SUSD4: variants seen among roughly 807,000 people sequenced by gnomAD.
SUSD4 encodes the protein sushi domain-containing protein 4.
SUSD4 carries 41 observed loss-of-function variants against 50.5 expected under a neutral mutation model. The observed-to-expected ratio is 0.81, with a 90% CI of 0.63 to 1.05. The LOEUF (loss-of-function observed/expected upper bound fraction) is 1.05, where lower values mean the gene tolerates loss of function less well. Ranked by LOEUF, SUSD4 falls within the 50% of genes least tolerant of loss-of-function variation. The pLI is 0.00. For synonymous variants in SUSD4, 257 were observed against 257.3 expected (o/e 1.00, Z 0.01); for missense variants, 580 against 634.7 (o/e 0.91, Z 0.93).
At chr1:223,233,445 T>A (rs894278490) in intron 5 of SUSD4, among the ~76,000 whole-genome samples, 5 of 152,128 alleles carry the variant, frequency 3.3e-5, no homozygotes, top group African/African-American at 9.7e-5. Flanking sequence ...TTAGGGGACT[T>A]CCACCTCTCA....
chr1:223,353,764 G>A (rs996655407), intron 2 of SUSD4, among the ~76,000 whole-genome samples: 1 of 152,058 alleles, frequency 6.6e-6, no homozygotes, highest in Non-Finnish European at 1.5e-5. Context: ...CAGGGATGAC[G>A]CCCCCTGGCC....
chr1:223,246,722 C>T (rs752124409), intron 5 of SUSD4, among the ~76,000 whole-genome samples: 1 of 152,126 alleles, frequency 6.6e-6, no homozygotes, highest in South Asian at 2.1e-4. Flanking sequence ...CCTCTGAAGG[C>T]TCCCCTTTTC....
intron 2 of SUSD4, among the ~76,000 whole-genome samples, chr1:223,342,275 T>C (rs1055804692): frequency 6.6e-6 from 1 of 152,192 alleles, no homozygotes; most frequent in Non-Finnish European, 1.5e-5. Flanking sequence ...GGGCTGATGT[T>C]GTCTTTAAAA....
Position 223,363,477 on chromosome 1 carries a change from A to G in SUSD4, c.-35-17T>C. On this transcript the variant is annotated splice_polypyrimidine_tract_variant and intron_variant, in intron 1 of 8. Coordinates refer to ENST00000366878, the MANE Select transcript of SUSD4 (RefSeq NM_017982.4). Reference sequence around the variant, plus strand: ...TGCAAGAGTCTGCAACCAGAAGCGGAACACCACAATAAGCCAGTCTGTCCG... The same window carrying G: ...TGCAAGAGTCTGCAACCAGAAGCGGGACACCACAATAAGCCAGTCTGTCCG... 6.8e-7 allele frequency: 1 copy of G among 1,480,472 alleles called. No homozygotes were observed. The allele number at this position is 1,480,472 out of a possible 1,614,324, so 91.7% of individuals were successfully genotyped here.
intron 2 of SUSD4, among the ~76,000 whole-genome samples, chr1:223,362,861 G>A (rs1485883720): frequency 2.0e-5 from 3 of 151,854 alleles, no homozygotes; most frequent in Admixed American, 2.0e-4. Flanking sequence ...AAATCCAGAG[G>A]CTGAAATCTG....
intron 3 of SUSD4, among the ~76,000 whole-genome samples, chr1:223,288,359 T>C (rs1268080057): frequency 6.6e-6 from 1 of 152,196 alleles, no homozygotes; most frequent in African/African-American, 2.4e-5. Flanking sequence ...TCCCCAGCCA[T>C]GCACAACTGT....
chr1:223,232,232 A>C (rs1258981836), intron 5 of SUSD4, among the ~76,000 whole-genome samples: 1 of 152,230 alleles, frequency 6.6e-6, no homozygotes, highest in East Asian at 1.9e-4. Context: ...GACGAAGCCC[A>C]GAGCTCTGAT....
chr1:223,352,065 C>T (rs993831362), intron 2 of SUSD4, among the ~76,000 whole-genome samples: 12 of 152,156 alleles, frequency 7.9e-5, no homozygotes, highest in East Asian at 5.8e-4. Flanking sequence ...GCTCTGCTTT[C>T]GATTAAAGCC....
At chr1:223,356,464 G>C (rs1248546517) in intron 2 of SUSD4, among the ~76,000 whole-genome samples, 1 of 151,126 alleles carries the variant, frequency 6.6e-6, no homozygotes, top group Non-Finnish European at 1.5e-5. Flanking sequence ...AGACTGGAGT[G>C]CACTGGCATG....
intron 3 of SUSD4, among the ~76,000 whole-genome samples, chr1:223,278,112 C>T (rs948900740): frequency 2.0e-5 from 3 of 152,166 alleles, no homozygotes; most frequent in African/African-American, 7.2e-5. Flanking sequence ...ATAGGAACAG[C>T]TCCGGTCTAT....
intron 5 of SUSD4, among the ~76,000 whole-genome samples, chr1:223,230,172 C>A (rs2103001124): frequency 6.6e-6 from 1 of 152,258 alleles, no homozygotes; most frequent in Non-Finnish European, 1.5e-5. Context: ...GTACTGCATT[C>A]TAGGTTGCGA....
At chr1:223,344,808 C>T (rs1667943267) in intron 2 of SUSD4, among the ~76,000 whole-genome samples, 1 of 152,182 alleles carries the variant, frequency 6.6e-6, no homozygotes, top group Admixed American at 6.5e-5. Flanking sequence ...GGAGGGTAGG[C>T]AGATTGCTTC....
At chr1:223,250,008 T>A (rs1358430105) in intron 5 of SUSD4, among the ~76,000 whole-genome samples, 1 of 152,240 alleles carries the variant, frequency 6.6e-6, no homozygotes, top group African/African-American at 2.4e-5. Context: ...GAGGCAGCTT[T>A]GCACTGCCTC....
chr1:223,323,100 G>A (rs1293722700), intron 2 of SUSD4, among the ~76,000 whole-genome samples: 1 of 152,066 alleles, frequency 6.6e-6, no homozygotes. Context: ...GAGCAGTGCT[G>A]GGGAGCATGT....
intron 2 of SUSD4, among the ~76,000 whole-genome samples, chr1:223,358,555 T>G (rs945800395): frequency 1.3e-5 from 2 of 152,166 alleles, no homozygotes; most frequent in African/African-American, 4.8e-5. Context: ...ACAGAATAAT[T>G]TAGGTGCTTT....
intron 2 of SUSD4, among the ~76,000 whole-genome samples, chr1:223,352,799 C>T (rs1420656315): frequency 2.0e-5 from 3 of 152,116 alleles, no homozygotes; most frequent in African/African-American, 4.8e-5. Flanking sequence ...GATTCAAATG[C>T]AACTCCCAGT....
At chr1:223,339,355 T>C (rs1667629559) in intron 2 of SUSD4, among the ~76,000 whole-genome samples, 2 of 152,064 alleles carry the variant, frequency 1.3e-5, no homozygotes, top group South Asian at 4.1e-4. Context: ...AGCTCAGCTG[T>C]GGAGGGAGGA....
intron 2 of SUSD4, among the ~76,000 whole-genome samples, chr1:223,313,990 G>T (rs1048123873): frequency 2.6e-5 from 4 of 152,100 alleles, no homozygotes; most frequent in African/African-American, 7.2e-5. Flanking sequence ...ATATAATCAA[G>T]AAATAACCAT....
At chr1:223,260,302 C>A (rs376672509) in intron 5 of SUSD4, among the ~76,000 whole-genome samples, 5 of 152,308 alleles carry the variant, frequency 3.3e-5, no homozygotes, top group African/African-American at 1.2e-4. Flanking sequence ...CCCCAGTGCC[C>A]AATTCGGTGT....
Sources: allele counts gnomAD v4.1 joint callset (sites outside exome capture counted in the v4.1 genomes callset), GRCh38; gene constraint gnomAD v4.1.1; transcripts MANE v1.5; gene names NCBI Gene and HGNC (gene_info 2026-07-23, HGNC 2026-07-21).